SATB2: variants seen among roughly 807,000 people sequenced by gnomAD.
The protein encoded by SATB2 is SATB homeobox 2.
In SATB2, 1 loss-of-function variant was observed where a neutral mutation model predicts 73.4. The observed-to-expected ratio is 0.01, with a 90% CI of 0.00 to 0.06. The LOEUF is 0.06. Ranked by LOEUF, SATB2 falls within the 10% of genes least tolerant of loss-of-function variation. The pLI, the probability that SATB2 is intolerant of heterozygous loss-of-function variation, is 1.00. For missense variants in SATB2, 459 were observed against 945.8 expected (o/e 0.49, Z 6.75); for synonymous variants, 397 against 367.0 (o/e 1.08, Z -0.93).
chr2:199,271,847 C>G lies in SATB2; in HGVS notation c.*364G>C. On this transcript the variant is annotated 3_prime_UTR_variant, in exon 11 of 11. Transcript: ENST00000417098. ...AGCTTCCTTCATTTATTTCATAGTT[C>G]TTTTCATCCTGGTACTTGCCTGATG... 2 of 322,136 alleles carry G rather than the reference C, an allele frequency of 6.2e-6. No homozygotes were observed. Among genetic ancestry groups the G allele is most frequent in the Non-Finnish European group, 1.2e-5 (2 of 168,196 alleles). 20.0% of individuals were successfully genotyped at this position (322,136 alleles called of 1,614,324 possible). A position where few individuals can be genotyped will look rare whatever the true frequency, so the allele number is the denominator to read the frequency against.
At chr2:199,290,172 G>T (rs1692813438) in intron 10 of SATB2, among the ~76,000 whole-genome samples, 1 of 152,234 alleles carries the variant, frequency 6.6e-6, no homozygotes, top group Non-Finnish European at 1.5e-5. Flanking sequence ...CTCTGATGAT[G>T]AATCTGTAAG....
intron 2 of SATB2, among the ~76,000 whole-genome samples, chr2:199,446,163 G>A (rs1691956409): frequency 6.6e-6 from 1 of 152,098 alleles, no homozygotes; most frequent in South Asian, 2.1e-4. Context: ...TTGTCTCTCA[G>A]CTTCTAATAA....
chr2:199,437,150 G>A (rs535040911), intron 2 of SATB2, among the ~76,000 whole-genome samples: 177 of 152,206 alleles, frequency 1.2e-3, no homozygotes, highest in African/African-American at 4.0e-3. Context: ...TTGTAGCACA[G>A]ACCCATTTTC....
At chr2:199,274,152 A>G (rs888725536) in intron 10 of SATB2, among the ~76,000 whole-genome samples, 1 of 152,198 alleles carries the variant, frequency 6.6e-6, no homozygotes, top group African/African-American at 2.4e-5. Context: ...CTCATATTTT[A>G]TGGATCTTTT....
intron 3 of SATB2, among the ~76,000 whole-genome samples, chr2:199,408,706 G>T (rs1003169707): frequency 1.3e-5 from 2 of 152,016 alleles, no homozygotes; most frequent in South Asian, 2.1e-4. Context: ...AGAGTCTTAG[G>T]GAGGGCATGA....
At chr2:199,471,075 A>G (rs1460334815) in exon 1 of SATB2, 4 of 152,448 alleles carry the variant, frequency 2.6e-5, no homozygotes, top group Non-Finnish European at 4.4e-5. Context: ...GGCGAGTGCA[A>G]AGTAGCTGCG....
intron 3 of SATB2, among the ~76,000 whole-genome samples, chr2:199,401,551 CAAAA>C (rs919902252): frequency 8.7e-5 from 13 of 149,084 alleles, no homozygotes; most frequent in African/African-American, 2.0e-4. Context: ...AAAAAAAAAA[CAAAA>C]AGAAAGAAAG....
intron 10 of SATB2, among the ~76,000 whole-genome samples, chr2:199,300,035 T>C (rs1012927134): frequency 1.3e-5 from 2 of 152,194 alleles, no homozygotes; most frequent in African/African-American, 4.8e-5. Context: ...CTATTTATTT[T>C]GCCTCTGTCT....
Position 199,422,227 on chromosome 2 carries a change from C to T in SATB2, c.346+11111G>A, listed in dbSNP as rs180942564. Among the ~76,000 whole-genome samples the T allele has an allele frequency of 4.4e-3, 671 of 151,790 alleles. 6 individuals carry two copies. Among genetic ancestry groups the T allele is most frequent in the African/African-American group, 0.015 (622 of 41,464 alleles). ...GAACTATAACCAAAGGGAAGCAACC[C>T]AAATATTACCTATTTTTATCTCTAG... On this transcript the variant is annotated intron_variant, in intron 3 of 10. Coordinates refer to ENST00000417098, the MANE Select transcript of SATB2 (RefSeq NM_001172509.2).
At chr2:199,459,840 C>T (rs544756481), upstream of SATB2, 14 of 1,870 alleles carry the variant, frequency 7.5e-3, no homozygotes, top group African/African-American at 0.011. The surrounding 1 kb of genome is among the most constrained non-coding windows in gnomAD (Gnocchi z 4.2). Flanking sequence ...ACAAGGCTGC[C>T]TTCCACTCGC....
At chr2:199,305,369 G>A (rs1240237658) in intron 10 of SATB2, among the ~76,000 whole-genome samples, 1 of 151,986 alleles carries the variant, frequency 6.6e-6, no homozygotes, top group East Asian at 1.9e-4. Flanking sequence ...TGGGAGGAGG[G>A]GGAGGGTCCG....
intron 3 of SATB2, among the ~76,000 whole-genome samples, chr2:199,411,211 C>T (rs944853469): frequency 1.3e-5 from 2 of 149,616 alleles, no homozygotes; most frequent in Non-Finnish European, 3.0e-5. Context: ...TCACTATGTC[C>T]AGAAAAAAGA....
At chr2:199,366,556 A>G (rs1172831230) in intron 6 of SATB2, among the ~76,000 whole-genome samples, 1 of 152,076 alleles carries the variant, frequency 6.6e-6, no homozygotes, top group East Asian at 1.9e-4. Context: ...TGATGAATCA[A>G]CACCACTTGA....
Position 199,274,964 on chromosome 2 carries a change from A to AT in SATB2, c.1741-2293dup, listed in dbSNP as rs1180721098. ...TCTATGTCAACAGGTGAGGATTCCA[A>AT]TTTTGGGGGAGAGAGAGACTGAAAT... On this transcript the variant is annotated intron_variant, in intron 10 of 10. Transcript: ENST00000417098. Among the ~76,000 whole-genome samples, 13 of 152,214 alleles carry AT rather than the reference A, an allele frequency of 8.5e-5. No homozygotes were observed. In the South Asian group the frequency reaches 2.5e-3, roughly 29 times the overall value.
chr2:199,409,059 A>G (rs532135715), intron 3 of SATB2, among the ~76,000 whole-genome samples: 110 of 152,304 alleles, frequency 7.2e-4, no homozygotes, highest in African/African-American at 2.5e-3. Flanking sequence ...ATGGTGATCT[A>G]TACTTCAGTA....
At chr2:199,323,476 T>TATACACACAC (rs10653288) in intron 9 of SATB2, among the ~76,000 whole-genome samples, 20 of 142,848 alleles carry the variant, frequency 1.4e-4, no homozygotes, top group South Asian at 4.7e-4. Context: ...GTTTTGTTCA[T>TATACACACAC]ACACACACAC....
chr2:199,407,051 C>T (rs1039576977), intron 3 of SATB2, among the ~76,000 whole-genome samples: 16 of 151,766 alleles, frequency 1.1e-4, no homozygotes, highest in Admixed American at 9.2e-4. Flanking sequence ...CTGGGTGTGG[C>T]GGCTCACACC....
Position 199,272,705 on chromosome 2 carries a change from G to A in SATB2, c.1741-33C>T, listed in dbSNP as rs769796450. ...TTAAGAGAGAAAAAAATGAACACTGGACTCATGATTTTACCTTTCCAAAAC... is the reference window on the plus strand; with the variant it reads ...TTAAGAGAGAAAAAAATGAACACTGAACTCATGATTTTACCTTTCCAAAAC... On this transcript the variant is annotated intron_variant, in intron 10 of 10. Transcript: ENST00000417098. This position sits in a 1 kb window ranked among gnomAD's most constrained non-coding sequence, Gnocchi z 6.7. 25 of 1,583,242 alleles carry A rather than the reference G, an allele frequency of 1.6e-5. No individual in the cohort carries two copies. The highest frequency in any genetic ancestry group is 2.2e-5 in the Non-Finnish European group (25 of 1,152,190).
At chr2:199,299,962 G>A (rs968819610) in intron 10 of SATB2, among the ~76,000 whole-genome samples, 8 of 152,020 alleles carry the variant, frequency 5.3e-5, no homozygotes, top group Admixed American at 1.3e-4. Context: ...ATTTATTGTT[G>A]TTGTTTTTTG....
Sources: gnomAD v4.1 joint callset for allele counts (sites outside exome capture counted in the v4.1 genomes callset) on GRCh38, gnomAD v4.1.1 for gene constraint, Gnocchi (gnomAD v3.1) non-coding constraint, MANE v1.5 for transcripts, NCBI Gene and HGNC (gene_info 2026-07-23, HGNC 2026-07-21) for gene names.